The following TENM4 variants were observed in gnomAD, a reference collection of about 807,000 sequenced individuals.
TENM4 encodes teneurin transmembrane protein 4.
A neutral mutation model predicts 243.3 loss-of-function variants in TENM4; 82 were observed. The ratio of observed to expected loss-of-function variants is 0.34; its 90% CI spans 0.28 to 0.40. TENM4 has a LOEUF of 0.40. Ranked by LOEUF, TENM4 falls within the 10% of genes least tolerant of loss-of-function variation. The probability of loss-of-function intolerance (pLI) is 1.00; values close to 1 mark genes in which losing one functional copy is unlikely to be tolerated. For missense variants in TENM4, 3,138 were observed against 3,673.3 expected (o/e 0.85, Z 3.77); for synonymous variants, 1,412 against 1,456.3 (o/e 0.97, Z 0.69).
intron 11 of TENM4, among the ~76,000 whole-genome samples, 172 bp from the exon 12 acceptor site, chr11:78,854,486 C>T (rs1858625924): frequency 6.6e-6 from 1 of 152,196 alleles, no homozygotes; most frequent in African/African-American, 2.4e-5. Context: ...TTCCCCAGAC[C>T]CATTTTTTCA....
intron 15 of TENM4, among the ~76,000 whole-genome samples, chr11:78,788,574 A>G (rs1306875303): frequency 6.6e-6 from 1 of 152,226 alleles, no homozygotes; most frequent in Non-Finnish European, 1.5e-5. Flanking sequence ...TGTGAGCTGC[A>G]TGATGCTGCC....
At chr11:78,774,599 AC>A (rs1856705323) in intron 17 of TENM4, among the ~76,000 whole-genome samples, 1 of 152,186 alleles carries the variant, frequency 6.6e-6, no homozygotes. Flanking sequence ...TGTAGCAGAC[AC>A]TCAATATATA....
intron 16 of TENM4, among the ~76,000 whole-genome samples, chr11:78,786,657 T>C (rs1424822095): frequency 1.3e-5 from 2 of 152,204 alleles, no homozygotes; most frequent in African/African-American, 2.4e-5. Context: ...GAGCAAGGTG[T>C]GCTAACCAGC....
chr11:79,420,001 C>T (rs1056814068), intron 1 of TENM4, among the ~76,000 whole-genome samples: 22 of 152,076 alleles, frequency 1.4e-4, no homozygotes, highest in Non-Finnish European at 8.8e-5. Flanking sequence ...GAATGAGAAA[C>T]CATTTATTTT....
intron 2 of TENM4, among the ~76,000 whole-genome samples, chr11:79,279,266 A>T (rs1856113615): frequency 6.6e-6 from 1 of 152,160 alleles, no homozygotes. Flanking sequence ...AGAAGGCCTT[A>T]GAGAGAGTAC....
Position 78,947,733 on chromosome 11 carries a change from G to A in TENM4, c.494-44210C>T, listed in dbSNP as rs60829371. ...GTATGAATGTGCATAATTCATTCCA[G>A]TTGTCCTGCCTCGGCACAGAAGGGC... On this transcript the variant is annotated intron_variant, in intron 6 of 33. Coordinates refer to ENST00000278550, the MANE Select transcript of TENM4 (RefSeq NM_001098816.3). Among the ~76,000 whole-genome samples the A allele has an allele frequency of 7.3e-3, 1,115 of 152,142 alleles. 10 individuals carry two copies. Among genetic ancestry groups the A allele is most frequent in the African/African-American group, 0.026 (1,071 of 41,494 alleles).
intron 1 of TENM4, among the ~76,000 whole-genome samples, chr11:79,437,033 C>T (rs538413738): frequency 6.6e-6 from 1 of 152,356 alleles, no homozygotes; most frequent in South Asian, 2.1e-4. Context: ...TTCCAAGGAC[C>T]TACGGCACAC....
chr11:78,693,655 C>T (rs1858883374), intron 28 of TENM4, among the ~76,000 whole-genome samples: 2 of 152,148 alleles, frequency 1.3e-5, no homozygotes, highest in Admixed American at 1.3e-4. Flanking sequence ...TATTTCCTCC[C>T]ACTGATTTTT....
chr11:78,880,488 A>AAAAAAAAAAAAGAG (rs1368857006), intron 9 of TENM4, among the ~76,000 whole-genome samples: 2 of 113,030 alleles, frequency 1.8e-5, no homozygotes, highest in African/African-American at 6.9e-5. Context: ...AAAAAAAAAA[A>AAAAAAAAAAAAGAG]AGAAAGAAAA....
At chr11:78,927,001 G>GTTTTTT (rs953117491) in intron 6 of TENM4, among the ~76,000 whole-genome samples, 1 of 152,188 alleles carries the variant, frequency 6.6e-6, no homozygotes, top group African/African-American at 2.4e-5. Flanking sequence ...ACCAAAATAT[G>GTTTTTT]TTTTTTGTAC....
intron 12 of TENM4, among the ~76,000 whole-genome samples, chr11:78,816,119 C>A (rs546650237): frequency 1.6e-4 from 24 of 152,202 alleles, no homozygotes; most frequent in Non-Finnish European, 2.8e-4. Context: ...CACGCTGAAG[C>A]CTTGAACATT....
intron 3 of TENM4, among the ~76,000 whole-genome samples, chr11:79,194,993 T>C (rs12418651): frequency 0.13 from 19,150 of 152,104 alleles, 2,443 homozygotes; most frequent in East Asian, 0.43. Flanking sequence ...CCTAGGGACT[T>C]GGTGCCCTGT....
At chr11:78,864,052 C>G (rs1858894834) in intron 9 of TENM4, among the ~76,000 whole-genome samples, 1 of 152,024 alleles carries the variant, frequency 6.6e-6, no homozygotes, top group Non-Finnish European at 1.5e-5. Context: ...GTATAACATG[C>G]AGAAGTGTAT....
chr11:78,741,681 G>A (rs564366173), intron 19 of TENM4, among the ~76,000 whole-genome samples: 15 of 152,226 alleles, frequency 9.9e-5, no homozygotes, highest in Non-Finnish European at 1.8e-4. Context: ...CAGTTCTTGC[G>A]AACTGGTTCA....
chr11:79,438,499 C>A lies in TENM4; in HGVS notation c.-321+2010G>T, dbSNP rs1859326257. ...AATAGGTGTAGGTAAGGGTGGCAGC[C>A]CGGCAGAGCCAGCGTTCTACTCCCT... is the stretch of plus-strand genomic sequence containing the variant. On this transcript the variant is annotated intron_variant, in intron 1 of 33. Coordinates refer to ENST00000278550, the MANE Select transcript of TENM4 (RefSeq NM_001098816.3). This position sits in a 1 kb window ranked among gnomAD's most constrained non-coding sequence, Gnocchi z 4.1. Among the ~76,000 whole-genome samples the A allele has an allele frequency of 6.6e-6, 1 of 152,124 alleles. No homozygotes were observed. Among genetic ancestry groups the A allele is most frequent in the Non-Finnish European group, 1.5e-5 (1 of 68,022 alleles).
At chr11:79,280,710 C>T (rs1339342263) in intron 2 of TENM4, among the ~76,000 whole-genome samples, 1 of 152,104 alleles carries the variant, frequency 6.6e-6, no homozygotes, top group African/African-American at 2.4e-5. Flanking sequence ...TTGAGAGGCC[C>T]CTGGGTATGA....
At chr11:79,099,455 C>T (rs1312902764) in intron 4 of TENM4, among the ~76,000 whole-genome samples, 15 of 152,136 alleles carry the variant, frequency 9.9e-5, no homozygotes, top group Non-Finnish European at 2.2e-4. Context: ...GTCATTTCCC[C>T]TCCCAAAGCA....
intron 3 of TENM4, among the ~76,000 whole-genome samples, chr11:79,186,261 G>A (rs1013185049): frequency 6.6e-6 from 1 of 152,134 alleles, no homozygotes; most frequent in African/African-American, 2.4e-5. Flanking sequence ...CAGAATGGAG[G>A]TGCCCTCAGT....
intron 1 of TENM4, among the ~76,000 whole-genome samples, chr11:79,373,381 G>T (rs1857827058): frequency 6.6e-6 from 1 of 151,766 alleles, no homozygotes; most frequent in African/African-American, 2.4e-5. Context: ...GGTGTGAATG[G>T]ATGCATGGGT....
Sources: allele counts gnomAD v4.1 joint callset (sites outside exome capture counted in the v4.1 genomes callset), GRCh38; gene constraint gnomAD v4.1.1; non-coding constraint Gnocchi (gnomAD v3.1); transcripts MANE v1.5; gene names NCBI Gene and HGNC (gene_info 2026-07-23, HGNC 2026-07-21).